DNMT1: variants seen among roughly 807,000 people sequenced by gnomAD.
DNMT1 encodes DNA (cytosine-5)-methyltransferase 1.
A neutral mutation model predicts 205.3 loss-of-function variants in DNMT1; 24 were observed. The ratio of observed to expected loss-of-function variants is 0.12; its 90% CI spans 0.08 to 0.16. The LOEUF (loss-of-function observed/expected upper bound fraction) is 0.16. Ranked by LOEUF, DNMT1 falls within the 10% of genes least tolerant of loss-of-function variation. The probability of loss-of-function intolerance (pLI) is 1.00; values close to 1 mark genes in which losing one functional copy is unlikely to be tolerated. For synonymous variants in DNMT1, 817 were observed against 839.8 expected (o/e 0.97, Z 0.47); for missense variants, 1,293 against 2,177.7 (o/e 0.59, Z 8.09).
intron 25 of DNMT1, 58 bp downstream of exon 25, chr19:10,149,795 C>T (rs769986209): frequency 2.7e-5 from 44 of 1,606,464 alleles, no homozygotes; most frequent in Admixed American, 8.3e-5. Context: ...GCAAAACAGG[C>T]ATCTCCTACT....
At chr19:10,187,816 A>G (rs1289084043) in intron 1 of DNMT1, among the ~76,000 whole-genome samples, 1 of 151,910 alleles carries the variant, frequency 6.6e-6, no homozygotes, top group Non-Finnish European at 1.5e-5. Context: ...CAGCCTGAGC[A>G]ACACAGCGAG....
chr19:10,153,439 G>A (rs986035604), intron 22 of DNMT1, among the ~76,000 whole-genome samples: 2 of 151,986 alleles, frequency 1.3e-5, no homozygotes, highest in African/African-American at 4.8e-5. Context: ...TTTAAGACCA[G>A]CCTGGCCAAC....
chr19:10,142,049 G>A lies in DNMT1; in HGVS notation c.3288C>T (p.Pro1096=). 1 of 1,612,374 alleles carries A rather than the reference G, an allele frequency of 6.2e-7. No homozygotes were observed. Among genetic ancestry groups the A allele is most frequent in the Non-Finnish European group, 8.5e-7 (1 of 1,178,744 alleles). The change falls in exon 30 of 41, where the codon CCC becomes CCT. Residue 1096 remains proline, a synonymous_variant. Transcript: ENST00000359526. ...ECVQVYSMGG[P]NRFYFLEAYN... Reference sequence around the variant, plus strand: ...CCACCTCGAGGAAGTAGAAGCGGTTGGGGCCGCCCATGGAGTACACCTGGA... The same window carrying A: ...CCACCTCGAGGAAGTAGAAGCGGTTAGGGCCGCCCATGGAGTACACCTGGA...
chr19:10,173,956 G>C (rs773451972), intron 7 of DNMT1, 51 bp from the exon 8 acceptor site: 1 of 1,564,892 alleles, frequency 6.4e-7, no homozygotes, highest in South Asian at 1.1e-5. Flanking sequence ...GGTTTCAAGG[G>C]AAGGTCAACA....
At chr19:10,174,911 C>T (rs957999049) in intron 7 of DNMT1, among the ~76,000 whole-genome samples, 5 of 150,100 alleles carry the variant, frequency 3.3e-5, no homozygotes, top group African/African-American at 1.2e-4. Context: ...AAAAATTAGC[C>T]GGGCGTGGTG....
rs928651863 is a variant in DNMT1, at chr19:10,165,596, T to A, written c.891+1002A>T. Among the ~76,000 whole-genome samples, 6 of 152,252 alleles carry A rather than the reference T, an allele frequency of 3.9e-5. No individual in the cohort carries two copies. The East Asian group carries it at 1.2e-3, about 29-fold the overall frequency. On this transcript the variant is annotated intron_variant, in intron 11 of 40. Transcript: ENST00000359526. ...TTAGGTGACACCGGATTTCACCATGTTGGCCTGGCTGGTCTCAGACTCCTG... is the reference window on the plus strand; with the variant it reads ...TTAGGTGACACCGGATTTCACCATGATGGCCTGGCTGGTCTCAGACTCCTG...
intron 28 of DNMT1, 103 bp from the exon 29 acceptor site, chr19:10,144,090 A>G: frequency 8.5e-7 from 1 of 1,176,152 alleles, no homozygotes; most frequent in South Asian, 1.2e-5. Context: ...CAAGCACCTG[A>G]TGAATTAAGG....
At chr19:10,179,536 A>G (rs944657009) in intron 5 of DNMT1, among the ~76,000 whole-genome samples, 9 of 152,138 alleles carry the variant, frequency 5.9e-5, no homozygotes, top group East Asian at 1.9e-4. Context: ...ACCCCCAGCT[A>G]AGACAAAATT....
At position 10,137,850 on chromosome 19, in the gene DNMT1, G is replaced by A; in HGVS notation, c.4275C>T (p.Leu1425=). 1 of 1,613,458 alleles carries A rather than the reference G, an allele frequency of 6.2e-7. No individual in the cohort carries two copies. The highest frequency in any genetic ancestry group is 1.1e-5 in the South Asian group (1 of 90,996). The stretch of plus-strand genomic sequence containing the variant: ...CCATTACCTTACAGATGTGGTCCCT[G>A]AGGATGGGCTGGTACTGTGCGCCCC... ...QLRGAQYQPI[L]RDHICKDMSA... The change falls in exon 36 of 41, where the codon CTC becomes CTT. Residue 1425 remains leucine (L), a synonymous_variant. Coordinates refer to ENST00000359526, the MANE Select transcript of DNMT1 (RefSeq NM_001130823.3). This position sits in a 1 kb window ranked among gnomAD's most constrained non-coding sequence, Gnocchi z 6.4.
chr19:10,172,832 T>TAAATA lies in DNMT1; in HGVS notation c.768+253_768+257dup, dbSNP rs549830163. On this transcript the variant is annotated intron_variant, in intron 9 of 40. Transcript: ENST00000359526. ...GGAGACTGTCTCAAAAATAAATAAATAAATAAAATAAAATAAAATATCACA... is the reference window on the plus strand; with the variant it reads ...GGAGACTGTCTCAAAAATAAATAAATAAATAAAATAAAATAAAATAAAATATCACA... Among the ~76,000 whole-genome samples the TAAATA allele has an allele frequency of 9.4e-3, 1,429 of 151,934 alleles. 11 individuals are homozygous for TAAATA. The highest frequency in any genetic ancestry group is 0.016 in the Non-Finnish European group (1,110 of 67,954).
At chr19:10,194,785 C>T (rs776869058) in intron 1 of DNMT1, 35 bp downstream of exon 1, 2 of 1,598,472 alleles carry the variant, frequency 1.3e-6, no homozygotes, top group South Asian at 1.1e-5. Flanking sequence ...CCCTGCCTGT[C>T]CCCCTGAGTC....
chr19:10,182,002 C>G, intron 2 of DNMT1, 39 bp downstream of exon 2: 4 of 1,584,246 alleles, frequency 2.5e-6, no homozygotes, highest in Non-Finnish European at 3.5e-6. Flanking sequence ...GTGTGTCAGT[C>G]AGATTTGGTA....
Position 10,136,128 on chromosome 19 carries a change from C to T in DNMT1, c.4649G>A (p.Gly1550Asp). Residue 1550 changes from glycine (G) to aspartate (D), a missense_variant, in exon 38 of 41, where the codon GGC (glycine) becomes GAC (aspartate). Gly to Asp is a moderately conservative substitution (Grantham distance 94). This residue lies in a region of DNMT1 where 24 missense variants were observed against 58.0 expected (regional missense o/e 0.41). Transcript: ENST00000359526. ...TGCCCCCTCCCCACCTACCTGCTTG[C>T]CCATGGGCTCGGGGTTGGTGACGGT... The part of the protein sequence containing the change: ...STTVTNPEPM[G>D]KQGRVLHPEQ... The T allele has an allele frequency of 6.2e-7, 1 of 1,614,036 alleles. No individual in the cohort carries two copies. Among genetic ancestry groups the T allele is most frequent in the Non-Finnish European group, 8.5e-7 (1 of 1,180,036 alleles).
rs755012001 is a variant in DNMT1, at chr19:10,182,077, C to T, written c.81G>A (p.Arg27=). 1 of 1,613,118 alleles carries T rather than the reference C, an allele frequency of 6.2e-7. No individual in the cohort carries two copies. Among genetic ancestry groups the T allele is most frequent in the Non-Finnish European group, 8.5e-7 (1 of 1,179,404 alleles). The change falls in exon 2 of 41, where the codon CGG becomes CGA. Residue 27 remains arginine, a splice_region_variant and synonymous_variant. Transcript: ENST00000359526. Reference sequence around the variant, plus strand: ...AGCTGTCTCTTTCCAAATCTTTGAGCCTGGGAGGAAGAAATAGGGGAGAAA... The same window carrying T: ...AGCTGTCTCTTTCCAAATCTTTGAGTCTGGGAGGAAGAAATAGGGGAGAAA... The part of the protein sequence containing the change: ...AISLPDDVRR[R]LKDLERDSLT...
chr19:10,190,614 A>T (rs2039281272), intron 1 of DNMT1, among the ~76,000 whole-genome samples: 1 of 151,852 alleles, frequency 6.6e-6, no homozygotes, highest in African/African-American at 2.4e-5. Context: ...AATAAGAAAA[A>T]GTTAGCCGGG....
In DNMT1 at chr19:10,154,326, G is replaced by A. The variant is rs377704053; in HGVS notation, c.1986C>T (p.Asn662=). ...CGCCACATCGCCGGCGCTTAAAGGC[G>A]TTCTCCTTGTCTTCTCTGTCATCCT... ...IEKDDREDKE[N]AFKRRRCGVC... The change falls in exon 22 of 41, where the codon AAC becomes AAT. Residue 662 remains asparagine, a synonymous_variant. Coordinates refer to ENST00000359526, the MANE Select transcript of DNMT1 (RefSeq NM_001130823.3). This position sits in a 1 kb window ranked among gnomAD's most constrained non-coding sequence, Gnocchi z 6.3. 8.2e-5 allele frequency: 133 copies of A among 1,614,220 alleles called. No individual in the cohort carries two copies. In the Middle Eastern group the frequency reaches 9.9e-4, roughly 12 times the overall value.
intron 1 of DNMT1, among the ~76,000 whole-genome samples, chr19:10,194,329 T>TG (rs1229336929): frequency 6.6e-6 from 1 of 151,618 alleles, no homozygotes; most frequent in East Asian, 1.9e-4. Context: ...GCCATCGAGA[T>TG]GCACAGCTTT....
chr19:10,135,087 C>T (rs946239339), intron 39 of DNMT1, among the ~76,000 whole-genome samples: 2 of 151,810 alleles, frequency 1.3e-5, no homozygotes, highest in Non-Finnish European at 2.9e-5. Flanking sequence ...TAGCACATGA[C>T]TGTAATCCCA....
At chr19:10,148,557 G>A (rs2038257548) in intron 27 of DNMT1, among the ~76,000 whole-genome samples, 1 of 151,096 alleles carries the variant, frequency 6.6e-6, no homozygotes, top group Admixed American at 6.6e-5. Flanking sequence ...CTCATTTACA[G>A]GAGAAAATAT....
Sources: allele counts gnomAD v4.1 joint callset (sites outside exome capture counted in the v4.1 genomes callset), GRCh38; gene constraint gnomAD v4.1.1; regional missense constraint gnomAD v4.1.1; non-coding constraint Gnocchi (gnomAD v3.1); transcripts MANE v1.5; gene names NCBI Gene and HGNC (gene_info 2026-07-23, HGNC 2026-07-21).